Variants in DNAH8 observed in about 807,000 individuals in gnomAD.
DNAH8 encodes dynein axonemal heavy chain 8, also known as axonemal beta dynein heavy chain 8.
A neutral mutation model predicts 562.1 loss-of-function variants in DNAH8; 382 were observed. That is an observed-to-expected ratio of 0.68 (90% CI 0.63 to 0.74). The LOEUF is 0.74. Ranked by LOEUF, DNAH8 falls within the 30% of genes least tolerant of loss-of-function variation. The probability of loss-of-function intolerance (pLI) is 0.00; values close to 1 mark genes in which losing one functional copy is unlikely to be tolerated. For missense variants in DNAH8, 5,203 were observed against 5,620.4 expected (o/e 0.93, Z 2.37); for synonymous variants, 1,881 against 1,919.4 (o/e 0.98, Z 0.52).
At chr6:38,904,344 G>A (rs1171915721) in intron 62 of DNAH8, among the ~76,000 whole-genome samples, 1 of 152,094 alleles carries the variant, frequency 6.6e-6, no homozygotes, top group Non-Finnish European at 1.5e-5. Context: ...TACGAATAGG[G>A]TGCGTCATGG....
At chr6:38,780,198 C>T (rs887987610) in intron 15 of DNAH8, 133 bp downstream of exon 15, 1 of 850,170 alleles carries the variant, frequency 1.2e-6, no homozygotes, top group African/African-American at 1.7e-5. Flanking sequence ...TTGACGCTCC[C>T]TTCTGTGTGG....
intron 82 of DNAH8, among the ~76,000 whole-genome samples, chr6:38,961,745 C>T (rs986036683): frequency 2.0e-5 from 3 of 151,884 alleles, no homozygotes; most frequent in Non-Finnish European, 4.4e-5. Context: ...TACTTATTGG[C>T]GAACAACTAG....
chr6:38,803,981 C>A (rs1312166928), intron 22 of DNAH8, among the ~76,000 whole-genome samples: 4 of 152,210 alleles, frequency 2.6e-5, no homozygotes, highest in African/African-American at 9.7e-5. Flanking sequence ...ATTCTGCCCA[C>A]ACCCTCATAA....
At chr6:38,823,918 A>G (rs889165103) in intron 28 of DNAH8, among the ~76,000 whole-genome samples, 3 of 152,140 alleles carry the variant, frequency 2.0e-5, no homozygotes, top group Non-Finnish European at 4.4e-5. Context: ...AACCTAATAT[A>G]AATGTTAAAT....
At chr6:38,911,330 T>C in intron 65 of DNAH8, 138 bp from the exon 66 acceptor site, 1 of 731,430 alleles carries the variant, frequency 1.4e-6, no homozygotes. Flanking sequence ...ACCTCACCTC[T>C]GAGAAACCTT....
At chr6:38,876,788 A>T (rs982898851) in intron 53 of DNAH8, among the ~76,000 whole-genome samples, 6 of 152,218 alleles carry the variant, frequency 3.9e-5, no homozygotes, top group Non-Finnish European at 8.8e-5. Flanking sequence ...TTACTGTTTG[A>T]ATCGTGTAAA....
rs376667759 is a variant in DNAH8, at chr6:38,896,114, G to C, written c.8829G>C (p.Ala2943=). Residue 2943 remains alanine (A), a synonymous_variant, in exon 60 of 93, where the codon GCG becomes GCC. Coordinates refer to ENST00000327475, the MANE Select transcript of DNAH8 (RefSeq NM_001206927.2). The part of the protein sequence containing the change: ...AVEENIGSDA[A]SCILPEPYFV... Reference sequence around the variant, plus strand: ...AAGAAAATATTGGCTCTGATGCAGCGTCGTGTATTCTTCCTGAACCATACT... The same window carrying C: ...AAGAAAATATTGGCTCTGATGCAGCCTCGTGTATTCTTCCTGAACCATACT... The C allele has an allele frequency of 1.1e-5, 17 of 1,614,042 alleles. No individual in the cohort carries two copies. Among genetic ancestry groups the C allele is most frequent in the Non-Finnish European group, 1.4e-5 (17 of 1,179,936 alleles).
chr6:38,863,118 G>T (rs1245978720), intron 44 of DNAH8, among the ~76,000 whole-genome samples: 1 of 152,068 alleles, frequency 6.6e-6, no homozygotes. Context: ...TAAATGTCTA[G>T]CAGGTGCAGA....
At chr6:38,760,663 T>A (rs564791599) in intron 10 of DNAH8, among the ~76,000 whole-genome samples, 7 of 152,188 alleles carry the variant, frequency 4.6e-5, no homozygotes, top group Non-Finnish European at 1.0e-4. Flanking sequence ...GCAGGAAGTG[T>A]CTGGGCCATG....
rs1242291908 is a variant in DNAH8 at position 38,866,785 on chromosome 6, A to C, written c.6602A>C (p.Lys2201Thr). 2 of 1,612,602 alleles carry C rather than the reference A, an allele frequency of 1.2e-6. No homozygotes were observed. Among genetic ancestry groups the C allele is most frequent in the African/African-American group, 1.3e-5 (1 of 74,866 alleles). ...VPDRQIIMRV[K>T]LASCGFLENV... ...AATTTTCAGATCATTATGAGAGTTAAACTTGCAAGCTGTGGTTTTCTTGAA... is the reference window on the plus strand; with the variant it reads ...AATTTTCAGATCATTATGAGAGTTACACTTGCAAGCTGTGGTTTTCTTGAA... Residue 2201 changes from lysine to threonine, a missense_variant, in exon 47 of 93, where the codon AAA becomes ACA. Physicochemically the swap from Lys to Thr is moderately conservative, Grantham distance 78 (BLOSUM62 -1). Transcript: ENST00000327475.
chr6:38,751,839 G>C (rs1250234709), intron 9 of DNAH8, among the ~76,000 whole-genome samples: 1 of 152,092 alleles, frequency 6.6e-6, no homozygotes, highest in African/African-American at 2.4e-5. Context: ...ATTTTTCCTG[G>C]ATATTACTTC....
intron 3 of DNAH8, among the ~76,000 whole-genome samples, chr6:38,724,793 T>A (rs1219829481): frequency 1.3e-5 from 2 of 152,190 alleles, no homozygotes; most frequent in Non-Finnish European, 2.9e-5. Context: ...AGGAGTGGAC[T>A]GGGCTGGTAT....
chr6:38,816,785 G>T (rs1772320696), intron 26 of DNAH8, among the ~76,000 whole-genome samples: 1 of 152,156 alleles, frequency 6.6e-6, no homozygotes, highest in Non-Finnish European at 1.5e-5. Context: ...ATTCTGTCTG[G>T]CATGAGATGG....
chr6:39,010,997 C>T lies in DNAH8; in HGVS notation c.13372-1218C>T, dbSNP rs1269695018. On this transcript the variant is annotated intron_variant, in intron 89 of 92. Coordinates refer to ENST00000327475, the MANE Select transcript of DNAH8 (RefSeq NM_001206927.2). ...GAAGAGTAGCTGAAGGTTGCTACGT[C>T]GGACTGCGTTAGGGACCTCCACTGG... Among the ~76,000 whole-genome samples, 5 of 152,168 alleles carry T rather than the reference C, an allele frequency of 3.3e-5. No individual in the cohort carries two copies. The South Asian group carries it at 6.2e-4, about 19-fold the overall frequency.
Position 38,883,033 on chromosome 6 carries a change from C to G in DNAH8, c.7982C>G (p.Thr2661Ser), listed in dbSNP as rs862432. The G allele has an allele frequency of 6.3e-7, 1 of 1,596,470 alleles. No individual in the cohort carries two copies. The highest frequency in any genetic ancestry group is 1.2e-5 in the South Asian group (1 of 86,206). The part of the protein sequence containing the change: ...DNIRTNFLID[T>S]IAKQHKAVLL... Reference sequence around the variant, plus strand: ...ATTAGAACAAATTTTTTGATAGACACCATTGCAAAACAACATAAAGTAAGT... The same window carrying G: ...ATTAGAACAAATTTTTTGATAGACAGCATTGCAAAACAACATAAAGTAAGT... Residue 2661 changes from threonine to serine, a missense_variant, in exon 54 of 93, where the codon ACC (threonine) becomes AGC (serine). Thr to Ser is a moderately conservative substitution (Grantham distance 58). Transcript: ENST00000327475.
intron 9 of DNAH8, among the ~76,000 whole-genome samples, chr6:38,754,162 C>G (rs1765711458): frequency 6.6e-6 from 1 of 152,072 alleles, no homozygotes; most frequent in South Asian, 2.1e-4. Flanking sequence ...TATGAGATAT[C>G]TGAGCACTGT....
chr6:38,792,375 C>T (rs1486074915), intron 21 of DNAH8, among the ~76,000 whole-genome samples: 1 of 152,212 alleles, frequency 6.6e-6, no homozygotes, highest in African/African-American at 2.4e-5. Flanking sequence ...GCCTGAGCCA[C>T]AACTCCCAGC....
intron 8 of DNAH8, among the ~76,000 whole-genome samples, chr6:38,747,559 G>T (rs1433168731): frequency 6.6e-6 from 1 of 151,968 alleles, no homozygotes; most frequent in African/African-American, 2.4e-5. Context: ...GCTAATTTTT[G>T]TATGTTTAGT....
chr6:38,924,506 C>CA (rs970467545), intron 73 of DNAH8, among the ~76,000 whole-genome samples: 2 of 151,578 alleles, frequency 1.3e-5, no homozygotes, highest in Non-Finnish European at 2.9e-5. Flanking sequence ...CTCCATCCCC[C>CA]CCCCAAAAAA....
Sources: gnomAD v4.1 joint callset for allele counts (sites outside exome capture counted in the v4.1 genomes callset) on GRCh38, gnomAD v4.1.1 for gene constraint, MANE v1.5 for transcripts, NCBI Gene and HGNC (gene_info 2026-07-23, HGNC 2026-07-21) for gene names.